Variants in WDFY3 observed in about 807,000 individuals in gnomAD.
WDFY3 encodes the protein WD repeat and FYVE domain containing 3, also known as WD repeat and FYVE domain-containing protein 3.
Under a neutral mutation model 409.6 loss-of-function variants are expected in WDFY3, and 66 were observed. The observed-to-expected ratio is 0.16, with a 90% CI of 0.13 to 0.20. The LOEUF is 0.20. WDFY3 is among the 10% of genes least tolerant of loss of function. WDFY3 has a pLI of 1.00. For synonymous variants in WDFY3, 1,521 were observed against 1,537.1 expected (o/e 0.99, Z 0.25); for missense variants, 3,031 against 4,298.1 (o/e 0.71, Z 8.24).
In WDFY3 at chr4:84,740,198, T is replaced by C; in HGVS notation, c.6453A>G (p.Leu2151=). The change falls in exon 39 of 68, where the codon CTA becomes CTG. Residue 2151 remains leucine (L), a synonymous_variant. Coordinates refer to ENST00000295888, the MANE Select transcript of WDFY3 (RefSeq NM_014991.6). ...CCTAAAGGATTTACCTTCCAACATGTAGATTTATCAAGCAGTGGGCCAGAC... is the reference window on the plus strand; with the variant it reads ...CCTAAAGGATTTACCTTCCAACATGCAGATTTATCAAGCAGTGGGCCAGAC... The part of the protein sequence containing the change: ...ISCLAHCLIN[L]HVGSNVDGFG... The C allele has an allele frequency of 2.5e-6, 4 of 1,614,096 alleles. No homozygotes were observed. Among genetic ancestry groups the C allele is most frequent in the Non-Finnish European group, 2.5e-6 (3 of 1,180,006 alleles).
intron 2 of WDFY3, among the ~76,000 whole-genome samples, chr4:84,899,222 A>G (rs1290456567): frequency 6.6e-6 from 1 of 152,206 alleles, no homozygotes; most frequent in Non-Finnish European, 1.5e-5. Context: ...AAAAATGAGT[A>G]TGCCTTTTAT....
intron 51 of WDFY3, among the ~76,000 whole-genome samples, chr4:84,711,137 A>C (rs1285507205): frequency 6.6e-6 from 1 of 152,220 alleles, no homozygotes; most frequent in Admixed American, 6.5e-5. Flanking sequence ...TTTCCAGTCG[A>C]TTATAAAGGG....
intron 22 of WDFY3, among the ~76,000 whole-genome samples, chr4:84,788,743 C>T (rs970374562): frequency 5.9e-5 from 9 of 152,236 alleles, no homozygotes; most frequent in Admixed American, 5.9e-4. Flanking sequence ...AAGTGATCGC[C>T]CTAAAATGGA....
intron 34 of WDFY3, 55 bp from the exon 35 acceptor site, chr4:84,753,931 A>C: frequency 1.4e-6 from 2 of 1,451,092 alleles, no homozygotes; most frequent in Non-Finnish European, 1.8e-6. Flanking sequence ...CACTGCTATA[A>C]ATTATTTTAA....
At chr4:84,804,532 G>T (rs1443657537) in intron 15 of WDFY3, among the ~76,000 whole-genome samples, 1 of 152,118 alleles carries the variant, frequency 6.6e-6, no homozygotes, top group Non-Finnish European at 1.5e-5. Context: ...TTATTTAAAA[G>T]GCAGCATGTC....
At chr4:84,902,254 G>T (rs1358125822) in intron 2 of WDFY3, among the ~76,000 whole-genome samples, 2 of 152,068 alleles carry the variant, frequency 1.3e-5, no homozygotes, top group Admixed American at 6.5e-5. Context: ...CTGTCACCTG[G>T]AATTAATCAA....
rs747942746 is a variant in WDFY3 at position 84,809,871 on chromosome 4, C to G, written c.2345+16G>C. Reference sequence around the variant, plus strand: ...AGTATACACCCTTTAATTCAGAGGACAGAGCAGAGCCATACCTGTCAAAAG... The same window carrying G: ...AGTATACACCCTTTAATTCAGAGGAGAGAGCAGAGCCATACCTGTCAAAAG... On this transcript the variant is annotated intron_variant, in intron 14 of 67. Coordinates refer to ENST00000295888, the MANE Select transcript of WDFY3 (RefSeq NM_014991.6). The G allele has an allele frequency of 6.2e-7, 1 of 1,609,136 alleles. No individual in the cohort carries two copies. The highest frequency in any genetic ancestry group is 8.5e-7 in the Non-Finnish European group (1 of 1,177,710).
intron 1 of WDFY3, among the ~76,000 whole-genome samples, chr4:84,961,466 C>G (rs555037444): frequency 2.0e-4 from 31 of 151,954 alleles, no homozygotes; most frequent in Non-Finnish European, 4.0e-4. Flanking sequence ...AAAGCTTTAT[C>G]TACCTGTTTA....
At chr4:84,944,353 G>C (rs187434580) in intron 1 of WDFY3, among the ~76,000 whole-genome samples, 2 of 151,410 alleles carry the variant, frequency 1.3e-5, no homozygotes, top group Non-Finnish European at 2.9e-5. Context: ...CATTCTCTAC[G>C]AAAAAAATTA....
intron 2 of WDFY3, among the ~76,000 whole-genome samples, chr4:84,898,858 T>C (rs1765978255): frequency 1.3e-5 from 2 of 152,222 alleles, no homozygotes; most frequent in South Asian, 2.1e-4. Flanking sequence ...CCAAGGATAC[T>C]TGGCTACTAA....
At position 84,739,105 on chromosome 4, in the gene WDFY3, A is replaced by G; in HGVS notation, c.6479T>C (p.Phe2160Ser). The change falls in exon 40 of 68, where the codon TTT (phenylalanine) becomes TCT (serine). Residue 2160 changes from phenylalanine (F) to serine (S), a missense_variant. Physicochemically the swap from Phe to Ser is radical, Grantham distance 155. Coordinates refer to ENST00000295888, the MANE Select transcript of WDFY3 (RefSeq NM_014991.6). Reference protein sequence around the residue: ...NLHVGSNVDGFGLEAEARMTT... With the variant: ...NLHVGSNVDGSGLEAEARMTT... ...CATGCGGGCTTCTGCTTCCAGTCCA[A>G]ATCCATCCACGTTGCTGAAAAATTC... is the stretch of plus-strand genomic sequence containing the variant. 5 of 1,614,040 alleles carry G rather than the reference A, an allele frequency of 3.1e-6. No individual in the cohort carries two copies. Among genetic ancestry groups the G allele is most frequent in the Non-Finnish European group, 4.2e-6 (5 of 1,179,936 alleles).
chr4:84,779,899 T>G (rs1746211325), intron 26 of WDFY3, among the ~76,000 whole-genome samples: 1 of 152,150 alleles, frequency 6.6e-6, no homozygotes, highest in Non-Finnish European at 1.5e-5. Flanking sequence ...TAGTAAGATT[T>G]GATAAGATAG....
At chr4:84,910,711 T>C (rs910567501) in intron 2 of WDFY3, among the ~76,000 whole-genome samples, 3 of 152,182 alleles carry the variant, frequency 2.0e-5, no homozygotes, top group East Asian at 3.9e-4. Context: ...ATGTTTTTTG[T>C]TGGTTTGTTT....
chr4:84,733,123 C>T (rs1736878848), intron 44 of WDFY3, among the ~76,000 whole-genome samples: 1 of 152,136 alleles, frequency 6.6e-6, no homozygotes, highest in Non-Finnish European at 1.5e-5. Context: ...GCTATAATAG[C>T]AAAGTGGCAG....
At chr4:84,878,680 C>T (rs2150374920) in intron 3 of WDFY3, among the ~76,000 whole-genome samples, 1 of 152,282 alleles carries the variant, frequency 6.6e-6, no homozygotes, top group East Asian at 1.9e-4. Context: ...CTACAAACTG[C>T]TTTAAGAGCA....
At chr4:84,802,550 G>A (rs1750789911) in intron 16 of WDFY3, among the ~76,000 whole-genome samples, 2 of 152,112 alleles carry the variant, frequency 1.3e-5, no homozygotes, top group African/African-American at 4.8e-5. Flanking sequence ...TTACAGGCGT[G>A]AGCCACCGCG....
rs115530282 is a variant in WDFY3, at chr4:84,938,968, T to C, written c.-225-6605A>G. On this transcript the variant is annotated intron_variant, in intron 1 of 67. Transcript: ENST00000295888. ...GTAATTATAACATTGTTACAATATTTTTATCTATTCTATGGTCTATATTCC... is the reference window on the plus strand; with the variant it reads ...GTAATTATAACATTGTTACAATATTCTTATCTATTCTATGGTCTATATTCC... Among the ~76,000 whole-genome samples the C allele has an allele frequency of 9.9e-3, 1,505 of 152,252 alleles. 17 individuals carry two copies. Among genetic ancestry groups the C allele is most frequent in the African/African-American group, 0.035 (1,445 of 41,558 alleles).
In WDFY3 at chr4:84,865,179, G is replaced by A. The variant is rs530789874; in HGVS notation, c.-31-4557C>T. On this transcript the variant is annotated intron_variant, in intron 3 of 67. Transcript: ENST00000295888. Reference sequence around the variant, plus strand: ...GCTGGGATTACAGGTATGAGCCACCGCACCTGGCCTCAACTTTCATTTTAA... The same window carrying A: ...GCTGGGATTACAGGTATGAGCCACCACACCTGGCCTCAACTTTCATTTTAA... Among the ~76,000 whole-genome samples, 4 of 152,220 alleles carry A rather than the reference G, an allele frequency of 2.6e-5. 1 individual carries two copies. Among genetic ancestry groups the A allele is most frequent in the African/African-American group, 4.8e-5 (2 of 41,530 alleles).
chr4:84,786,330 G>A (rs1396205850), intron 23 of WDFY3, among the ~76,000 whole-genome samples, 191 bp from the exon 24 acceptor site: 1 of 152,050 alleles, frequency 6.6e-6, no homozygotes, highest in East Asian at 1.9e-4. Context: ...AAGAAATCTA[G>A]TCATAGAGTT....
Sources: gnomAD v4.1 joint callset for allele counts (sites outside exome capture counted in the v4.1 genomes callset) on GRCh38, gnomAD v4.1.1 for gene constraint, MANE v1.5 for transcripts, NCBI Gene and HGNC (gene_info 2026-07-23, HGNC 2026-07-21) for gene names.